The following ALMS1 variants were observed in gnomAD, a reference collection of about 807,000 sequenced individuals.
ALMS1 encodes centrosome-associated protein ALMS1.
A neutral mutation model predicts 352.2 loss-of-function variants in ALMS1; 271 were observed. The ratio of observed to expected loss-of-function variants is 0.77; its 90% CI spans 0.70 to 0.85. The LOEUF is 0.85. Among genes scored for constraint, ALMS1 ranks in the 40% least tolerant of loss-of-function variants. ALMS1 has a pLI of 0.00. For missense variants in ALMS1, 5,445 were observed against 4,870.7 expected (o/e 1.12, Z -3.51); for synonymous variants, 1,865 against 1,761.2 (o/e 1.06, Z -1.48).
At chr2:73,454,680 A>G (rs919522796) in intron 8 of ALMS1, among the ~76,000 whole-genome samples, 6 of 152,214 alleles carry the variant, frequency 3.9e-5, no homozygotes, top group African/African-American at 1.4e-4. Context: ...CTGTAAGACA[A>G]TATGGGGAAT....
chr2:73,533,258 G>T (rs777106452), intron 11 of ALMS1, among the ~76,000 whole-genome samples: 1 of 152,218 alleles, frequency 6.6e-6, no homozygotes, highest in Non-Finnish European at 1.5e-5. Context: ...GCCCAAGTCA[G>T]CTGGCTCTGA....
Position 73,449,067 on chromosome 2 carries a change from A to G in ALMS1, c.2540A>G (p.Lys847Arg), listed in dbSNP as rs374788400. ...GCTGTTTCTGGACCAGCTGACGGAA[A>G]GACTGGGACACCAGCTGTAACCTCT... The part of the protein sequence containing the change: ...VSAVSGPADG[K>R]TGTPAVTSTS... Residue 847 changes from lysine (K) to arginine (R), a missense_variant, in exon 8 of 23, where the codon AAG becomes AGG. Lys to Arg is a conservative substitution (Grantham distance 26, BLOSUM62 2). Transcript: ENST00000613296. 2.5e-6 allele frequency: 4 copies of G among 1,614,108 alleles called. No homozygotes were observed. Among genetic ancestry groups the G allele is most frequent in the Non-Finnish European group, 3.4e-6 (4 of 1,179,976 alleles).
intron 16 of ALMS1, among the ~76,000 whole-genome samples, chr2:73,579,547 A>C (rs1273410949): frequency 6.6e-6 from 1 of 151,690 alleles, no homozygotes; most frequent in East Asian, 1.9e-4. Flanking sequence ...TTTAGTAGAG[A>C]CGTGGTTTCA....
intron 15 of ALMS1, among the ~76,000 whole-genome samples, chr2:73,567,330 G>A (rs962585056): frequency 1.3e-5 from 2 of 152,102 alleles, no homozygotes; most frequent in Admixed American, 6.5e-5. Flanking sequence ...TTTATCACTC[G>A]CTCTTGAACT....
chr2:73,609,398 G>A (rs767994627), intron 22 of ALMS1, among the ~76,000 whole-genome samples, 170 bp from the exon 23 acceptor site: 97 of 152,314 alleles, frequency 6.4e-4, no homozygotes, highest in Non-Finnish European at 1.2e-3. Flanking sequence ...TGAACCTTTC[G>A]TGAAGTATTT....
chr2:73,496,321 C>T (rs1168853815), intron 10 of ALMS1, among the ~76,000 whole-genome samples: 5 of 152,178 alleles, frequency 3.3e-5, no homozygotes, highest in African/African-American at 9.7e-5. Context: ...TAGAGTGTCA[C>T]ACAAATGGAA....
Position 73,449,781 on chromosome 2 carries a change from A to T in ALMS1, c.3254A>T (p.Gln1085Leu). Reference sequence around the variant, plus strand: ...TCAGCCTTCCCTGGACCAGCTGACCAGATGACTGACACACCAGCAGTACCG... The same window carrying T: ...TCAGCCTTCCCTGGACCAGCTGACCTGATGACTGACACACCAGCAGTACCG... The part of the protein sequence containing the change: ...KVSAFPGPAD[Q>L]MTDTPAVPST... Residue 1085 changes from glutamine to leucine, a missense_variant, in exon 8 of 23, where the codon CAG becomes CTG. Gln to Leu is a moderately radical substitution (Grantham distance 113). Transcript: ENST00000613296. 6.2e-7 allele frequency: 1 copy of T among 1,614,142 alleles called. No individual in the cohort carries two copies. The highest frequency in any genetic ancestry group is 8.5e-7 in the Non-Finnish European group (1 of 1,179,984).
intron 21 of ALMS1, among the ~76,000 whole-genome samples, chr2:73,606,597 C>T (rs1254080224): frequency 6.6e-6 from 1 of 152,164 alleles, no homozygotes. Flanking sequence ...GGTACATTTT[C>T]ATTAGGTTGC....
intron 13 of ALMS1, among the ~76,000 whole-genome samples, chr2:73,553,557 C>T (rs1341185191): frequency 6.6e-6 from 1 of 151,882 alleles, no homozygotes; most frequent in Non-Finnish European, 1.5e-5. Context: ...AAAAACAAAG[C>T]GGTTATTAAC....
chr2:73,581,364 C>T (rs1675174032), intron 16 of ALMS1, among the ~76,000 whole-genome samples: 1 of 152,174 alleles, frequency 6.6e-6, no homozygotes, highest in African/African-American at 2.4e-5. Flanking sequence ...CATGTCAAAA[C>T]AAACACAATT....
intron 14 of ALMS1, 44 bp downstream of exon 14, chr2:73,557,398 C>A: frequency 6.2e-7 from 1 of 1,612,254 alleles, no homozygotes; most frequent in Non-Finnish European, 8.5e-7. Context: ...TTCTGGTCTT[C>A]TAAAATGAGA....
intron 1 of ALMS1, among the ~76,000 whole-genome samples, chr2:73,402,549 C>T (rs550869810): frequency 6.6e-5 from 10 of 152,110 alleles, no homozygotes; most frequent in Non-Finnish European, 7.4e-5. Flanking sequence ...CACGAGCCAC[C>T]GCGCCCAGTC....
Position 73,448,853 on chromosome 2 carries a change from C to T in ALMS1, c.2326C>T (p.Gln776Ter), listed in dbSNP as rs758195453. 3 of 1,613,850 alleles carry T rather than the reference C, an allele frequency of 1.9e-6. No homozygotes were observed. Among genetic ancestry groups the T allele is most frequent in the Non-Finnish European group, 2.5e-6 (3 of 1,179,984 alleles). Residue 776 changes from glutamine to a stop codon, truncating the protein, a stop_gained, in exon 8 of 23, where the codon CAG becomes TAG. Coordinates refer to ENST00000613296, the MANE Select transcript of ALMS1 (RefSeq NM_001378454.1). LOFTEE classifies it high-confidence loss of function. ...QREKPSILYP[Q>*]DLADSHLPEE... ...AGAAAAGCCTAGTATTTTGTACCCA[C>T]AGGACTTAGCAGACAGTCATCTACC... is the stretch of plus-strand genomic sequence containing the variant.
intron 9 of ALMS1, among the ~76,000 whole-genome samples, chr2:73,467,087 A>G (rs1360122432): frequency 7.2e-6 from 1 of 137,942 alleles, no homozygotes; most frequent in Non-Finnish European, 1.5e-5. Flanking sequence ...TGGGTTAGGC[A>G]AAGGTTTCTT....
chr2:73,484,170 G>T (rs1355578193), intron 9 of ALMS1, among the ~76,000 whole-genome samples: 1 of 151,732 alleles, frequency 6.6e-6, no homozygotes, highest in East Asian at 1.9e-4. Flanking sequence ...TCCTAGTCTT[G>T]ATGGTCTTTA....
At chr2:73,546,719 G>C (rs573293966) in intron 12 of ALMS1, among the ~76,000 whole-genome samples, 36 of 152,332 alleles carry the variant, frequency 2.4e-4, no homozygotes, top group Non-Finnish European at 4.4e-4. Flanking sequence ...AGTGGAGTGT[G>C]AGAATGTTCC....
At chr2:73,540,602 C>T (rs1048898781) in intron 12 of ALMS1, among the ~76,000 whole-genome samples, 2 of 152,160 alleles carry the variant, frequency 1.3e-5, no homozygotes, top group African/African-American at 2.4e-5. Context: ...AGTCAAGACC[C>T]ATCCGTGTGC....
chr2:73,495,984 A>C (rs1673098301), intron 10 of ALMS1, among the ~76,000 whole-genome samples: 1 of 152,186 alleles, frequency 6.6e-6, no homozygotes, highest in African/African-American at 2.4e-5. Context: ...ATATCTAGAC[A>C]AAAATGCTGT....
Position 73,579,073 on chromosome 2 carries a change from TTA to T in ALMS1, c.11547+5651_11547+5652del, listed in dbSNP as rs1352720116. ...AATTTCTCCTTTATTCTTTTTTTAT[TTA>T]TTTTTTTTTTTGAGACGGAGTCGTC... On this transcript the variant is annotated intron_variant, in intron 16 of 22. Transcript: ENST00000613296. Among the ~76,000 whole-genome samples, 15 of 137,664 alleles carry T rather than the reference TTA, an allele frequency of 1.1e-4. 2 individuals are homozygous for T. The highest frequency in any genetic ancestry group is 3.8e-4 in the African/African-American group (13 of 33,924). The allele number at this position is 137,664 out of a possible 152,430, so 90.3% of individuals were successfully genotyped here.
Sources: gnomAD v4.1 joint callset for allele counts (sites outside exome capture counted in the v4.1 genomes callset) on GRCh38, gnomAD v4.1.1 for gene constraint, MANE v1.5 for transcripts, NCBI Gene and HGNC (gene_info 2026-07-23, HGNC 2026-07-21) for gene names.